BEND4: variants seen among roughly 807,000 people sequenced by gnomAD.
BEND4 encodes BEN domain-containing protein 4.
BEND4 carries 27 observed loss-of-function variants against 54.7 expected under a neutral mutation model. That is an observed-to-expected ratio of 0.49 (90% CI 0.36 to 0.68). The LOEUF is 0.68. Among genes scored for constraint, BEND4 ranks in the 30% least tolerant of loss-of-function variants. The pLI, the probability that BEND4 is intolerant of heterozygous loss-of-function variation, is 0.00. For synonymous variants in BEND4, 327 were observed against 299.5 expected (o/e 1.09, Z -0.95); for missense variants, 702 against 697.2 (o/e 1.01, Z -0.08).
chr4:42,132,045 G>C (rs972149863), intron 3 of BEND4, among the ~76,000 whole-genome samples: 1 of 152,248 alleles, frequency 6.6e-6, no homozygotes, highest in Non-Finnish European at 1.5e-5. Flanking sequence ...CTGGAAAACG[G>C]AGACAGGTGC....
At chr4:42,148,286 ACAT>A (rs1424518042) in intron 2 of BEND4, among the ~76,000 whole-genome samples, 4 of 152,218 alleles carry the variant, frequency 2.6e-5, no homozygotes, top group African/African-American at 9.6e-5. Context: ...ATAATGGCAA[ACAT>A]CAACACAGCA....
chr4:42,151,569 T>C (rs1355922318), intron 2 of BEND4, 88 bp downstream of exon 2: 3 of 1,325,176 alleles, frequency 2.3e-6, no homozygotes, highest in African/African-American at 3.1e-5. Context: ...CACGGGTAAG[T>C]GTCGGCGGCC....
chr4:42,135,418 T>A (rs1720663682), intron 3 of BEND4, among the ~76,000 whole-genome samples: 1 of 152,224 alleles, frequency 6.6e-6, no homozygotes, highest in Non-Finnish European at 1.5e-5. Context: ...TATTGAGTGC[T>A]TACTGGAAGA....
In BEND4 at chr4:42,151,377, C is replaced by G. The variant is rs1386259375; in HGVS notation, c.487+280G>C. On this transcript the variant is annotated intron_variant, in intron 2 of 5. Transcript: ENST00000502486. ...CGTCTGGCCCCACTCCGGACCACGC[C>G]CGAGCGATCCTGGTCGCCGACTGCC... 7 of 263,864 alleles carry G rather than the reference C, an allele frequency of 2.7e-5. No individual in the cohort carries two copies. The Admixed American group carries it at 3.8e-4, about 14-fold the overall frequency. The allele number at this position is 263,864 out of a possible 1,614,324, so 16.3% of individuals were successfully genotyped here. A position where few individuals can be genotyped will look rare whatever the true frequency, so the allele number is the denominator to read the frequency against.
At chr4:42,133,445 C>T (rs1375269867) in intron 3 of BEND4, among the ~76,000 whole-genome samples, 1 of 152,172 alleles carries the variant, frequency 6.6e-6, no homozygotes, top group East Asian at 1.9e-4. Context: ...GATATTAGTC[C>T]TAAAGTAACT....
chr4:42,121,001 C>T (rs911543599), intron 4 of BEND4, among the ~76,000 whole-genome samples: 30 of 152,126 alleles, frequency 2.0e-4, no homozygotes, highest in African/African-American at 5.6e-4. Context: ...CGGGAATTTC[C>T]GTAACATTTA....
chr4:42,129,513 A>C (rs1033711284), intron 3 of BEND4, among the ~76,000 whole-genome samples: 1 of 152,090 alleles, frequency 6.6e-6, no homozygotes, highest in Non-Finnish European at 1.5e-5. Context: ...ACAGTAGGCA[A>C]AACAGCATGC....
At chr4:42,141,736 G>A (rs186151932) in intron 3 of BEND4, among the ~76,000 whole-genome samples, 9 of 152,074 alleles carry the variant, frequency 5.9e-5, no homozygotes, top group Non-Finnish European at 1.3e-4. Flanking sequence ...GCAAGACTCC[G>A]TCTCAATTAA....
chr4:42,129,741 G>T (rs1720434818), intron 3 of BEND4, among the ~76,000 whole-genome samples: 1 of 152,140 alleles, frequency 6.6e-6, no homozygotes, highest in Admixed American at 6.5e-5. Flanking sequence ...GTGGATTAAA[G>T]ACTTAAATTA....
In BEND4 at chr4:42,127,471, C is replaced by T. The variant is rs549709319; in HGVS notation, c.1055-1797G>A. On this transcript the variant is annotated intron_variant, in intron 3 of 5. Transcript: ENST00000502486. ...TTTCACCAGCTTCTTAAAAGTCCAA[C>T]CCTTTTTACTGATGCCACAGTGAGG... 7.5e-4 allele frequency among the ~76,000 whole-genome samples: 114 copies of T among 152,318 alleles called. 4 individuals carry two copies. The highest frequency in any genetic ancestry group is 7.4e-3 in the Admixed American group (113 of 15,300).
chr4:42,140,799 T>C (rs1048482238), intron 3 of BEND4, among the ~76,000 whole-genome samples: 2 of 152,206 alleles, frequency 1.3e-5, no homozygotes, highest in African/African-American at 4.8e-5. Flanking sequence ...TCTGAAACTC[T>C]TTCCCAAGAT....
Position 42,112,010 on chromosome 4 carries a change from G to C in BEND4, c.*5508C>G, listed in dbSNP as rs1258067381. The C allele has an allele frequency of 6.6e-6, 1 of 152,232 alleles. No homozygotes were observed. Among genetic ancestry groups the C allele is most frequent in the East Asian group, 1.9e-4 (1 of 5,202 alleles). 9.4% of individuals were successfully genotyped at this position (152,232 alleles called of 1,614,324 possible). A position where few individuals can be genotyped will look rare whatever the true frequency, so the allele number is the denominator to read the frequency against. Reference sequence around the variant, plus strand: ...GCAGATCCCAGAGGATATATGGTTTGTATGTTCCTACCTAAGCATCGACAT... The same window carrying C: ...GCAGATCCCAGAGGATATATGGTTTCTATGTTCCTACCTAAGCATCGACAT... On this transcript the variant is annotated 3_prime_UTR_variant, in exon 6 of 6. Transcript: ENST00000502486.
Position 42,114,239 on chromosome 4 carries a change from C to T in BEND4, c.*3279G>A, listed in dbSNP as rs934897604. The T allele has an allele frequency of 1.3e-5, 2 of 152,188 alleles. No homozygotes were observed. Among genetic ancestry groups the T allele is most frequent in the Non-Finnish European group, 2.9e-5 (2 of 68,042 alleles). 9.4% of individuals were successfully genotyped at this position (152,188 alleles called of 1,614,324 possible). On this transcript the variant is annotated 3_prime_UTR_variant, in exon 6 of 6. Transcript: ENST00000502486. ...CCAATACATATCATTTGAGGGTCATCCTGAGCCTGGCTGGAACTGAGCTTG... is the reference window on the plus strand; with the variant it reads ...CCAATACATATCATTTGAGGGTCATTCTGAGCCTGGCTGGAACTGAGCTTG...
chr4:42,132,009 A>G (rs79402853), intron 3 of BEND4, among the ~76,000 whole-genome samples: 3,879 of 151,862 alleles, frequency 0.026, 77 homozygotes, highest in Non-Finnish European at 0.038. Flanking sequence ...CAAGTGAAAT[A>G]TTTTCTGTGA....
rs1172595982 is a variant in BEND4, at chr4:42,110,931, A to G, written c.*6587T>C. 1 of 152,234 alleles carries G rather than the reference A, an allele frequency of 6.6e-6. No homozygotes were observed. The highest frequency in any genetic ancestry group is 1.5e-5 in the Non-Finnish European group (1 of 68,042). The allele number at this position is 152,234 out of a possible 1,614,324, so 9.4% of individuals were successfully genotyped here. ...ATTAGAAAGATGCAAAAACCAAGTT[A>G]AAACACTTAACAGAGACTTGACATT... is the stretch of plus-strand genomic sequence containing the variant. On this transcript the variant is annotated 3_prime_UTR_variant, in exon 6 of 6. Transcript: ENST00000502486.
chr4:42,144,126 A>C, intron 2 of BEND4, 132 bp from the exon 3 acceptor site: 1 of 739,764 alleles, frequency 1.4e-6, no homozygotes. Flanking sequence ...AACCAAGATG[A>C]CACAATAAAT....
intron 3 of BEND4, among the ~76,000 whole-genome samples, chr4:42,140,972 A>C (rs1048429110): frequency 2.0e-5 from 3 of 152,202 alleles, no homozygotes; most frequent in African/African-American, 7.2e-5. Context: ...TACCCCTATG[A>C]GATAAACCCA....
intron 3 of BEND4, among the ~76,000 whole-genome samples, chr4:42,135,482 CAGT>C (rs1472317671): frequency 6.6e-6 from 1 of 152,068 alleles, no homozygotes; most frequent in African/African-American, 2.4e-5. Context: ...AACATTCCTA[CAGT>C]ATTATGGCTG....
intron 2 of BEND4, among the ~76,000 whole-genome samples, chr4:42,148,574 CA>C (rs1275739224): frequency 3.3e-5 from 5 of 152,084 alleles, no homozygotes; most frequent in African/African-American, 1.2e-4. Context: ...TTTTAATGTC[CA>C]AAAGAATGAT....
Sources: gnomAD v4.1 joint callset for allele counts (sites outside exome capture counted in the v4.1 genomes callset) on GRCh38, gnomAD v4.1.1 for gene constraint, MANE v1.5 for transcripts, NCBI Gene and HGNC (gene_info 2026-07-23, HGNC 2026-07-21) for gene names.